The following OR1L6 variants were observed in gnomAD, a reference collection of about 807,000 sequenced individuals.
OR1L6 encodes olfactory receptor 1L6.
OR1L6 carries 2 observed loss-of-function variants against 3.0 expected under a neutral mutation model. The observed-to-expected ratio is 0.68, with a 90% confidence interval of 0.28 to 2.13. The LOEUF (loss-of-function observed/expected upper bound fraction) is 2.13, where lower values mean the gene tolerates loss of function less well. Among genes scored for constraint, OR1L6 ranks in the 30% most tolerant of loss-of-function variants. The pLI is 0.14. For missense variants in OR1L6, 304 were observed against 378.4 expected (o/e 0.80, Z 1.63); for synonymous variants, 121 against 148.4 (o/e 0.82, Z 1.34).
intron 1 of OR1L6, among the ~76,000 whole-genome samples, chr9:122,748,957 G>C (rs565722521): frequency 1.3e-5 from 2 of 152,062 alleles, no homozygotes; most frequent in South Asian, 4.2e-4. Flanking sequence ...GTGTGTACAC[G>C]TATACGTACA....
At chr9:122,743,959 G>C (rs1159792045) in intron 1 of OR1L6, among the ~76,000 whole-genome samples, 2 of 152,124 alleles carry the variant, frequency 1.3e-5, no homozygotes, top group African/African-American at 2.4e-5. Flanking sequence ...TACAGTTTGG[G>C]GAAGAGGTGT....
intron 1 of OR1L6, among the ~76,000 whole-genome samples, chr9:122,747,618 C>T (rs2118909242): frequency 6.6e-6 from 1 of 152,088 alleles, no homozygotes; most frequent in African/African-American, 2.4e-5. Flanking sequence ...AAATCTTACT[C>T]ATTTATTTTT....
At chr9:122,744,376 T>C (rs1828815103) in intron 1 of OR1L6, among the ~76,000 whole-genome samples, 1 of 152,076 alleles carries the variant, frequency 6.6e-6, no homozygotes, top group Admixed American at 6.5e-5. Context: ...TGTCAGTGTG[T>C]ACTCCCTGGT....
At chr9:122,743,970 G>T (rs1828811577) in intron 1 of OR1L6, among the ~76,000 whole-genome samples, 1 of 152,154 alleles carries the variant, frequency 6.6e-6, no homozygotes, top group Non-Finnish European at 1.5e-5. Flanking sequence ...GAAGAGGTGT[G>T]ATAGAGCAGT....
Position 122,743,020 on chromosome 9 carries a change from G to T in OR1L6, c.-14+647G>T, listed in dbSNP as rs144399101. On this transcript the variant is annotated intron_variant, in intron 1 of 1. Coordinates refer to ENST00000304720, the MANE Select transcript of OR1L6 (RefSeq NM_001004453.3). The stretch of plus-strand genomic sequence containing the variant: ...AAATGATGAAGGTGAAAGGCAGAGG[G>T]GTCTAAAACCTCATGACATCTGAGC... Among the ~76,000 whole-genome samples, 37 of 152,186 alleles carry T rather than the reference G, an allele frequency of 2.4e-4. No individual in the cohort carries two copies. The East Asian group carries it at 4.4e-3, about 18-fold the overall frequency.
intron 1 of OR1L6, among the ~76,000 whole-genome samples, chr9:122,748,111 C>T (rs1473597959): frequency 1.3e-5 from 2 of 152,014 alleles, no homozygotes; most frequent in African/African-American, 2.4e-5. Flanking sequence ...CATCTTTGGA[C>T]CAAACGCTTA....
chr9:122,749,232 A>T, intron 1 of OR1L6, among the ~76,000 whole-genome samples: 1 of 152,156 alleles, frequency 6.6e-6, no homozygotes, highest in East Asian at 1.9e-4. Context: ...TGCTTTGGCT[A>T]TTCTGGCTCT....
At chr9:122,747,213 G>T (rs542516190) in intron 1 of OR1L6, among the ~76,000 whole-genome samples, 135 of 152,046 alleles carry the variant, frequency 8.9e-4, no homozygotes, top group Non-Finnish European at 1.7e-3. Flanking sequence ...TATATATTAA[G>T]TTGCAGATAA....
rs1318038234 is a variant in OR1L6 at position 122,750,090 on chromosome 9, G to A, written c.243G>A (p.Lys81=). 3 of 1,613,998 alleles carry A rather than the reference G, an allele frequency of 1.9e-6. No individual in the cohort carries two copies. Among genetic ancestry groups the A allele is most frequent in the Non-Finnish European group, 2.5e-6 (3 of 1,180,012 alleles). The part of the protein sequence containing the change: ...DICFTTVIVP[K]MLVNFLSETK... ...GCTTCACAACAGTCATAGTGCCTAA[G>A]ATGCTGGTGAATTTTCTATCAGAGA... Residue 81 remains lysine, a synonymous_variant, in exon 2 of 2, where the codon AAG becomes AAA. Coordinates refer to ENST00000304720, the MANE Select transcript of OR1L6 (RefSeq NM_001004453.3).
intron 1 of OR1L6, among the ~76,000 whole-genome samples, chr9:122,745,569 C>T (rs1182504308): frequency 6.6e-6 from 1 of 151,728 alleles, no homozygotes; most frequent in African/African-American, 2.4e-5. Flanking sequence ...CCCACCACAA[C>T]GCCCAGCTAA....
At position 122,750,000 on chromosome 9, in the gene OR1L6, C is replaced by G. The variant is rs777871723; in HGVS notation, c.153C>G (p.Tyr51Ter). ...ATGTGCTCATCATCCCGGCCATCTA[C>G]TCTGACCCCAGGCTCCACACCCCTA... is the stretch of plus-strand genomic sequence containing the variant. The part of the protein sequence containing the change: ...VGNVLIIPAI[Y>*]SDPRLHTPMY... Residue 51 changes from tyrosine to a stop codon, truncating the protein, a stop_gained, in exon 2 of 2, where the codon TAC becomes TAG. Coordinates refer to ENST00000304720, the MANE Select transcript of OR1L6 (RefSeq NM_001004453.3). LOFTEE classifies it low-confidence loss of function (END_TRUNC). 1 of 1,614,186 alleles carries G rather than the reference C, an allele frequency of 6.2e-7. No homozygotes were observed. The highest frequency in any genetic ancestry group is 1.1e-5 in the South Asian group (1 of 91,084).
chr9:122,750,064 T>G lies in OR1L6; in HGVS notation c.217T>G (p.Cys73Gly). Residue 73 changes from cysteine (C) to glycine (G), a missense_variant, in exon 2 of 2, where the codon TGC (cysteine) becomes GGC (glycine). Coordinates refer to ENST00000304720, the MANE Select transcript of OR1L6 (RefSeq NM_001004453.3). Reference sequence around the variant, plus strand: ...CAGCAACTTGTCTTTCATGGATATCTGCTTCACAACAGTCATAGTGCCTAA... The same window carrying G: ...CAGCAACTTGTCTTTCATGGATATCGGCTTCACAACAGTCATAGTGCCTAA... ...FLSNLSFMDI[C>G]FTTVIVPKML... The G allele has an allele frequency of 4.3e-6, 7 of 1,614,178 alleles. No homozygotes were observed. Among genetic ancestry groups the G allele is most frequent in the Non-Finnish European group, 5.1e-6 (6 of 1,180,024 alleles).
chr9:122,750,513 C>G lies in OR1L6; in HGVS notation c.666C>G (p.Ile222Met), dbSNP rs760623173. The G allele has an allele frequency of 7.0e-6, 6 of 861,818 alleles. No individual in the cohort carries two copies. The highest frequency in any genetic ancestry group is 2.5e-5 in the Admixed American group (1 of 40,048). 53.4% of individuals were successfully genotyped at this position (861,818 alleles called of 1,614,324 possible). The change falls in exon 2 of 2, where the codon ATC (isoleucine) becomes ATG (methionine). Residue 222 changes from isoleucine (I) to methionine (M), a missense_variant. Ile to Met is a conservative substitution (Grantham distance 10, BLOSUM62 1). Transcript: ENST00000304720. ...FLCIIFSYLR[I>M]MVTVLRIPSA... Reference sequence around the variant, plus strand: ...GTATCATCTTCTCCTACCTGCGAATCATGGTCACTGTGCTCAGAATCCCCT... The same window carrying G: ...GTATCATCTTCTCCTACCTGCGAATGATGGTCACTGTGCTCAGAATCCCCT...
Position 122,748,177 on chromosome 9 carries a change from G to A in OR1L6, c.-13-1658G>A, listed in dbSNP as rs74341302. On this transcript the variant is annotated intron_variant, in intron 1 of 1. Transcript: ENST00000304720. ...ACAGAAAGGTTTAAACAGGCATTAA[G>A]CAGGCTTTGCTCTGAAGACTTAAGG... 1.2e-3 allele frequency among the ~76,000 whole-genome samples: 181 copies of A among 152,258 alleles called. 7 individuals are homozygous for A. In the East Asian group the frequency reaches 0.026, roughly 22 times the overall value.
At chr9:122,743,355 G>C (rs1828807161) in intron 1 of OR1L6, among the ~76,000 whole-genome samples, 1 of 152,156 alleles carries the variant, frequency 6.6e-6, no homozygotes, top group Non-Finnish European at 1.5e-5. Flanking sequence ...GTGCCCAGAA[G>C]AACTTTCAAC....
chr9:122,742,701 T>C (rs149779833), intron 1 of OR1L6, among the ~76,000 whole-genome samples: 3 of 152,168 alleles, frequency 2.0e-5, no homozygotes, highest in Admixed American at 6.5e-5. Context: ...GAGCACACAC[T>C]CTGGGAATGT....
chr9:122,750,569 C>T lies in OR1L6; in HGVS notation c.722C>T (p.Thr241Ile), dbSNP rs991596063. Reference protein sequence around the residue: ...SAAGKWKAFSTCGSHLTAVAL... With the variant: ...SAAGKWKAFSICGSHLTAVAL... ...GCCGGGAAGTGGAAGGCCTTCTCTACCTGTGGCTCCCACCTCACTGCAGTA... is the reference window on the plus strand; with the variant it reads ...GCCGGGAAGTGGAAGGCCTTCTCTATCTGTGGCTCCCACCTCACTGCAGTA... The change falls in exon 2 of 2, where the codon ACC becomes ATC. Residue 241 changes from threonine (T) to isoleucine (I), a missense_variant. Thr to Ile is a moderately conservative substitution (Grantham distance 89, BLOSUM62 -1). Around this residue, in one of 3 missense-constraint regions of OR1L6, gnomAD observed 91 missense variants for 87.8 expected, o/e 1.04. Transcript: ENST00000304720. The T allele has an allele frequency of 9.3e-6, 15 of 1,613,720 alleles. No homozygotes were observed. Among genetic ancestry groups the T allele is most frequent in the Non-Finnish European group, 1.3e-5 (15 of 1,179,866 alleles).
chr9:122,745,167 A>G (rs957101041), intron 1 of OR1L6, among the ~76,000 whole-genome samples: 1 of 152,208 alleles, frequency 6.6e-6, no homozygotes, highest in Admixed American at 6.5e-5. Context: ...TCCATATCTC[A>G]AGATCTATTC....
At chr9:122,748,749 A>G (rs1828860554) in intron 1 of OR1L6, among the ~76,000 whole-genome samples, 1 of 152,130 alleles carries the variant, frequency 6.6e-6, no homozygotes, top group South Asian at 2.1e-4. Context: ...CTATGTATAT[A>G]TTTGTGGCAC....
Sources: allele counts gnomAD v4.1 joint callset (sites outside exome capture counted in the v4.1 genomes callset), GRCh38; gene constraint gnomAD v4.1.1; regional missense constraint gnomAD v4.1.1; transcripts MANE v1.5; gene names NCBI Gene and HGNC (gene_info 2026-07-23, HGNC 2026-07-21).